Variants in PDE4B observed in about 807,000 individuals in gnomAD.
PDE4B encodes 3',5'-cyclic-AMP phosphodiesterase 4B.
A neutral mutation model predicts 82.2 loss-of-function variants in PDE4B; 20 were observed. The ratio of observed to expected loss-of-function variants is 0.24; its 90% CI spans 0.17 to 0.35. The LOEUF (loss-of-function observed/expected upper bound fraction) is 0.35, where lower values mean the gene tolerates loss of function less well. PDE4B is among the 10% of genes least tolerant of loss of function. The pLI is 1.00. For synonymous variants in PDE4B, 320 were observed against 318.9 expected, an observed-to-expected ratio of 1.00 and a Z score of -0.04; for missense variants, 655 against 907.2, an observed-to-expected ratio of 0.72 and a Z score of 3.57.
chr1:66,363,103 A>T lies in PDE4B; in HGVS notation c.1021-65A>T, dbSNP rs76231394. The T allele has an allele frequency of 3.8e-3, 4,158 of 1,096,318 alleles. 106 individuals carry two copies. In the African/African-American group the frequency reaches 0.059, roughly 15 times the overall value. The allele number at this position is 1,096,318 out of a possible 1,614,324, so 67.9% of individuals were successfully genotyped here. A position where few individuals can be genotyped will look rare whatever the true frequency, so the allele number is the denominator to read the frequency against. ...ACAGCCAATGTCCAAAAAATAAATT[A>T]AAAAAATGAGGCATGTTAGCACAAC... is the stretch of plus-strand genomic sequence containing the variant. On this transcript the variant is annotated intron_variant, in intron 10 of 16. Transcript: ENST00000341517.
rs1645587848 is a variant in PDE4B, at chr1:65,792,932, G to A, written c.-387G>A. Among the ~76,000 whole-genome samples, 1 of 151,844 alleles carries A rather than the reference G, an allele frequency of 6.6e-6. No homozygotes were observed. Among genetic ancestry groups the A allele is most frequent in the Non-Finnish European group, 1.5e-5 (1 of 67,920 alleles). On this transcript the variant is annotated 5_prime_UTR_variant, in exon 1 of 17. Coordinates refer to ENST00000341517, the MANE Select transcript of PDE4B (RefSeq NM_002600.4). ...AAGAGCTGAGGGGCGCGTCGCCAGC[G>A]CCTGTGTCTCCCTGGCGCGGGTTCC...
At chr1:65,822,888 T>G (rs376023461) in intron 1 of PDE4B, among the ~76,000 whole-genome samples, 1 of 152,206 alleles carries the variant, frequency 6.6e-6, no homozygotes. Flanking sequence ...TCTGTGATAT[T>G]TTGTTATAGC....
intron 4 of PDE4B, among the ~76,000 whole-genome samples, chr1:66,254,297 C>T (rs910244570): frequency 6.6e-6 from 1 of 152,170 alleles, no homozygotes; most frequent in Non-Finnish European, 1.5e-5. Context: ...ACCACAAGAT[C>T]TTCACCCATC....
chr1:66,128,674 A>T (rs1645872185), intron 3 of PDE4B, among the ~76,000 whole-genome samples: 1 of 152,236 alleles, frequency 6.6e-6, no homozygotes, highest in South Asian at 2.1e-4. Context: ...CACACTGCTG[A>T]TAAAGACATA....
At chr1:66,111,625 T>A (rs553706075) in intron 3 of PDE4B, among the ~76,000 whole-genome samples, 3 of 152,142 alleles carry the variant, frequency 2.0e-5, no homozygotes, top group Non-Finnish European at 2.9e-5. Context: ...AAATAGTATA[T>A]TTCATTGTAT....
At position 65,969,235 on chromosome 1, in the gene PDE4B, C is replaced by T. The variant is rs529109300; in HGVS notation, c.281+50400C>T. On this transcript the variant is annotated intron_variant, in intron 3 of 16. Transcript: ENST00000341517. ...TTACTCTGGAACCCAGGCTGACAGC[C>T]GCCACCATCTCAAACATTTTCATGG... 4.8e-4 allele frequency among the ~76,000 whole-genome samples: 73 copies of T among 152,240 alleles called. 1 individual carries two copies. Among genetic ancestry groups the T allele is most frequent in the Middle Eastern group, 3.4e-3 (1 of 294 alleles).
chr1:66,243,051 G>A (rs545025190), intron 3 of PDE4B, among the ~76,000 whole-genome samples: 1 of 152,352 alleles, frequency 6.6e-6, no homozygotes, highest in South Asian at 2.1e-4. Flanking sequence ...GCGAGTTTGT[G>A]TAAAGATGTG....
chr1:66,321,363 CCT>C (rs1659391796), intron 7 of PDE4B, among the ~76,000 whole-genome samples: 1 of 152,178 alleles, frequency 6.6e-6, no homozygotes, highest in African/African-American at 2.4e-5. Context: ...AATCCATTTA[CCT>C]CTCTTCATCT....
chr1:65,887,805 A>ACT (rs1553196220), intron 1 of PDE4B, among the ~76,000 whole-genome samples: 2 of 151,534 alleles, frequency 1.3e-5, no homozygotes, highest in African/African-American at 4.9e-5. Flanking sequence ...TTTCAATGAG[A>ACT]TTTTTTTTAA....
intron 3 of PDE4B, among the ~76,000 whole-genome samples, chr1:66,098,068 A>G (rs1443430599): frequency 6.6e-6 from 1 of 152,124 alleles, no homozygotes; most frequent in African/African-American, 2.4e-5. Flanking sequence ...ACTGCTTGGT[A>G]GAAACATGAA....
At chr1:66,273,391 A>G (rs1283628795) in intron 7 of PDE4B, among the ~76,000 whole-genome samples, 1 of 152,262 alleles carries the variant, frequency 6.6e-6, no homozygotes, top group Non-Finnish European at 1.5e-5. Context: ...AACAAATTCT[A>G]TATATCATCT....
intron 3 of PDE4B, among the ~76,000 whole-genome samples, chr1:66,109,515 T>C (rs1301787651): frequency 6.6e-6 from 1 of 151,842 alleles, no homozygotes; most frequent in Non-Finnish European, 1.5e-5. Context: ...AAGCACATTA[T>C]AGATATGAAT....
At chr1:66,169,036 TG>T (rs1646789634) in intron 3 of PDE4B, among the ~76,000 whole-genome samples, 1 of 152,224 alleles carries the variant, frequency 6.6e-6, no homozygotes, top group African/African-American at 2.4e-5. Flanking sequence ...CACTGTGCCC[TG>T]AAAAACAGAC....
chr1:66,011,859 A>G (rs889396842), intron 3 of PDE4B, among the ~76,000 whole-genome samples: 1 of 152,148 alleles, frequency 6.6e-6, no homozygotes, highest in Non-Finnish European at 1.5e-5. Flanking sequence ...GAACAGATGT[A>G]TAATAGAAAT....
At chr1:66,365,544 G>T (rs1341447218) in intron 12 of PDE4B, 123 bp from the exon 13 acceptor site, 3 of 562,134 alleles carry the variant, frequency 5.3e-6, no homozygotes, top group Non-Finnish European at 9.8e-6. Context: ...AGTATATTGA[G>T]ATATTACATA....
chr1:65,852,546 G>T (rs1646343853), intron 1 of PDE4B, among the ~76,000 whole-genome samples: 1 of 151,446 alleles, frequency 6.6e-6, no homozygotes, highest in African/African-American at 2.4e-5. Context: ...TATTGATTTT[G>T]GATCTTTGCT....
chr1:66,063,645 A>G (rs1462934758), intron 3 of PDE4B, among the ~76,000 whole-genome samples: 1 of 152,042 alleles, frequency 6.6e-6, no homozygotes, highest in Non-Finnish European at 1.5e-5. Flanking sequence ...TCAATATCCC[A>G]ACAGTTAGGG....
intron 3 of PDE4B, among the ~76,000 whole-genome samples, chr1:66,055,808 GA>G (rs1382016683): frequency 6.6e-6 from 1 of 152,136 alleles, no homozygotes; most frequent in Non-Finnish European, 1.5e-5. Flanking sequence ...AGCACACTCT[GA>G]AAAAATTTTT....
chr1:66,038,601 T>C (rs1410505186), intron 3 of PDE4B, among the ~76,000 whole-genome samples: 1 of 152,006 alleles, frequency 6.6e-6, no homozygotes, highest in Non-Finnish European at 1.5e-5. Context: ...AAATAGGAAA[T>C]GAAGTTGTAG....
Sources: gnomAD v4.1 joint callset for allele counts (sites outside exome capture counted in the v4.1 genomes callset) on GRCh38, gnomAD v4.1.1 for gene constraint, MANE v1.5 for transcripts, NCBI Gene and HGNC (gene_info 2026-07-23, HGNC 2026-07-21) for gene names.